The following GYPC variants were observed in gnomAD, a reference collection of about 807,000 sequenced individuals.
GYPC encodes glycophorin C (Gerbich blood group).
A neutral mutation model predicts 12.6 loss-of-function variants in GYPC; 14 were observed. The ratio of observed to expected loss-of-function variants is 1.11; its 90% CI spans 0.74 to 1.74. The LOEUF (loss-of-function observed/expected upper bound fraction) is 1.74. GYPC is among the 40% of genes most tolerant of loss of function. The pLI, the probability that GYPC is intolerant of heterozygous loss-of-function variation, is 0.00. For missense variants in GYPC, 225 were observed against 172.1 expected, an observed-to-expected ratio of 1.31 and a Z score of -1.72; for synonymous variants, 78 against 62.1, an observed-to-expected ratio of 1.26 and a Z score of -1.20.
chr2:126,686,789 A>G lies in GYPC; in HGVS notation c.50-3466A>G, dbSNP rs1267896462. The stretch of plus-strand genomic sequence containing the variant: ...TGCTGGGTAATTGTCTATTTCTGAT[A>G]CCAGACCCAAGCTTGGCCGTAATCA... On this transcript the variant is annotated intron_variant, in intron 1 of 3. Coordinates refer to ENST00000259254, the MANE Select transcript of GYPC (RefSeq NM_002101.5). 3.8e-6 allele frequency: 3 copies of G among 789,308 alleles called. No homozygotes were observed. In the African/African-American group the frequency reaches 5.6e-5, roughly 15 times the overall value. The allele number at this position is 789,308 out of a possible 1,614,324, so 48.9% of individuals were successfully genotyped here.
At chr2:126,669,209 CAGGGAT>C (rs1682771032) in intron 1 of GYPC, among the ~76,000 whole-genome samples, 1 of 152,150 alleles carries the variant, frequency 6.6e-6, no homozygotes, top group Non-Finnish European at 1.5e-5. Context: ...AGACAAGTTG[CAGGGAT>C]ACGAAGCAGG....
chr2:126,656,344 G>T, intron 1 of GYPC, 32 bp downstream of exon 1: 2 of 1,562,050 alleles, frequency 1.3e-6, no homozygotes, highest in East Asian at 2.4e-5. Context: ...GGGTCCTGGG[G>T]ACCCACTGGA....
intron 2 of GYPC, among the ~76,000 whole-genome samples, chr2:126,692,254 G>A (rs550683729): frequency 5.9e-5 from 9 of 152,154 alleles, no homozygotes; most frequent in African/African-American, 1.9e-4. Context: ...GGCTGCCTCA[G>A]TGCCTTGTAT....
intron 1 of GYPC, among the ~76,000 whole-genome samples, chr2:126,661,498 G>C (rs1452449355): frequency 6.7e-6 from 1 of 150,286 alleles, no homozygotes; most frequent in African/African-American, 2.5e-5. Context: ...TGTTGCCCAG[G>C]CTGGAGTGCA....
chr2:126,686,237 G>T, intron 1 of GYPC: 1 of 985,532 alleles, frequency 1.0e-6, no homozygotes, highest in East Asian at 1.1e-4. Flanking sequence ...GTCCACATCT[G>T]AAAAATACCA....
At chr2:126,665,552 A>G (rs1462442864) in intron 1 of GYPC, among the ~76,000 whole-genome samples, 1 of 152,188 alleles carries the variant, frequency 6.6e-6, no homozygotes, top group Non-Finnish European at 1.5e-5. Context: ...GGCACAGATA[A>G]GGCTGGAGGA....
At chr2:126,679,055 T>G (rs184296786) in intron 1 of GYPC, among the ~76,000 whole-genome samples, 10 of 152,374 alleles carry the variant, frequency 6.6e-5, no homozygotes, top group Admixed American at 2.0e-4. Context: ...CATTTAGTCA[T>G]GTAATTAAGT....
chr2:126,656,247 C>T lies in GYPC; in HGVS notation c.-17C>T, dbSNP rs200853457. 1.9e-6 allele frequency: 3 copies of T among 1,599,064 alleles called. No homozygotes were observed. The highest frequency in any genetic ancestry group is 2.2e-5 in the South Asian group (2 of 89,152). On this transcript the variant is annotated 5_prime_UTR_variant, in exon 1 of 4. Coordinates refer to ENST00000259254, the MANE Select transcript of GYPC (RefSeq NM_002101.5). ...CTGGCCAGTCCCCGCGGTCTCTGCCCGGGCTGACGCCCAGGAATGTGGTCG... is the reference window on the plus strand; with the variant it reads ...CTGGCCAGTCCCCGCGGTCTCTGCCTGGGCTGACGCCCAGGAATGTGGTCG...
At chr2:126,678,694 G>A (rs1683078998) in intron 1 of GYPC, 1 of 152,408 alleles carries the variant, frequency 6.6e-6, no homozygotes, top group South Asian at 2.1e-4. Flanking sequence ...CATAAACTGT[G>A]GGTCCTGTTG....
chr2:126,675,048 C>A (rs1295477476), intron 1 of GYPC, among the ~76,000 whole-genome samples: 2 of 152,138 alleles, frequency 1.3e-5, no homozygotes, highest in African/African-American at 2.4e-5. Flanking sequence ...TGAAAGGGTC[C>A]CAGATGATTC....
intron 1 of GYPC, among the ~76,000 whole-genome samples, chr2:126,687,653 G>A (rs1406875722): frequency 6.6e-6 from 1 of 152,230 alleles, no homozygotes; most frequent in Admixed American, 6.5e-5. Context: ...TTCCAGCTGA[G>A]GGAACTTTCC....
rs1007218984 is a variant in GYPC at position 126,686,626 on chromosome 2, C to T, written c.50-3629C>T. On this transcript the variant is annotated intron_variant, in intron 1 of 3. Transcript: ENST00000259254. ...GAGTTGTGAGCAAGACAAGCCTGAA[C>T]GTGTGGAGCTTCCTGTCTGGTAGGG... The T allele has an allele frequency of 3.3e-5, 32 of 982,264 alleles. No individual in the cohort carries two copies. In the African/African-American group the frequency reaches 3.5e-4, roughly 11 times the overall value. The allele number at this position is 982,264 out of a possible 1,614,324, so 60.8% of individuals were successfully genotyped here.
intron 1 of GYPC, among the ~76,000 whole-genome samples, chr2:126,662,493 G>A (rs1272848019): frequency 6.6e-6 from 1 of 152,194 alleles, no homozygotes; most frequent in African/African-American, 2.4e-5. Context: ...TTTTGGGTCT[G>A]GATCCACTAT....
chr2:126,693,973 A>G, intron 3 of GYPC, 26 bp downstream of exon 3: 1 of 1,490,604 alleles, frequency 6.7e-7, no homozygotes, highest in Non-Finnish European at 9.4e-7. Flanking sequence ...AGAGCCCTTC[A>G]AGCAGCCAGG....
At chr2:126,676,381 C>G (rs1682995098) in intron 1 of GYPC, among the ~76,000 whole-genome samples, 1 of 152,218 alleles carries the variant, frequency 6.6e-6, no homozygotes, top group African/African-American at 2.4e-5. Flanking sequence ...GGCCAATTCA[C>G]CCATTCCTGT....
chr2:126,675,365 T>C (rs1361780328), intron 1 of GYPC, among the ~76,000 whole-genome samples: 1 of 152,180 alleles, frequency 6.6e-6, no homozygotes, highest in Non-Finnish European at 1.5e-5. Context: ...CATAGAATAA[T>C]AAATAATTAT....
intron 1 of GYPC, 104 bp downstream of exon 1, chr2:126,656,416 C>T: frequency 1.0e-6 from 1 of 977,064 alleles, no homozygotes; most frequent in Admixed American, 2.3e-5. Context: ...TGTCCCGGTC[C>T]GTGCCGGGCC....
chr2:126,668,469 T>G (rs1325033229), intron 1 of GYPC, among the ~76,000 whole-genome samples: 1 of 152,210 alleles, frequency 6.6e-6, no homozygotes, highest in African/African-American at 2.4e-5. Flanking sequence ...GATCCCTCCA[T>G]AGCAGACGTC....
chr2:126,661,688 G>A (rs1682541273), intron 1 of GYPC, among the ~76,000 whole-genome samples: 1 of 152,086 alleles, frequency 6.6e-6, no homozygotes, highest in Non-Finnish European at 1.5e-5. Flanking sequence ...CTGACCTCAG[G>A]TGATCCACCC....
Sources: gnomAD v4.1 joint callset for allele counts (sites outside exome capture counted in the v4.1 genomes callset) on GRCh38, gnomAD v4.1.1 for gene constraint, MANE v1.5 for transcripts, NCBI Gene and HGNC (gene_info 2026-07-23, HGNC 2026-07-21) for gene names.